Variants in CSMD1 observed in about 807,000 individuals in gnomAD.
CSMD1 encodes the protein CUB and sushi domain-containing protein 1.
Under a neutral mutation model 417.5 loss-of-function variants are expected in CSMD1, and 213 were observed. The observed-to-expected ratio is 0.51, with a 90% CI of 0.46 to 0.57. The LOEUF is 0.57. Ranked by LOEUF, CSMD1 falls within the 20% of genes least tolerant of loss-of-function variation. CSMD1 has a pLI of 0.00. For synonymous variants in CSMD1, 2,862 were observed against 1,736.8 expected, an observed-to-expected ratio of 1.65 and a Z score of -16.11; for missense variants, 6,923 against 4,529.7, an observed-to-expected ratio of 1.53 and a Z score of -15.17.
At chr8:3,027,887 T>A (rs1434809866) in intron 51 of CSMD1, among the ~76,000 whole-genome samples, 2 of 152,142 alleles carry the variant, frequency 1.3e-5, no homozygotes, top group Non-Finnish European at 2.9e-5. Context: ...TACTAATGAG[T>A]TTAGTTCAGG....
At chr8:4,727,163 G>A (rs293876) in intron 1 of CSMD1, among the ~76,000 whole-genome samples, 2 of 151,850 alleles carry the variant, frequency 1.3e-5, no homozygotes, top group East Asian at 1.9e-4. Context: ...TCAATCCACC[G>A]TAGGCCAGTA....
chr8:4,608,491 G>A (rs1413788031), intron 2 of CSMD1, among the ~76,000 whole-genome samples: 1 of 152,200 alleles, frequency 6.6e-6, no homozygotes, highest in Non-Finnish European at 1.5e-5. Context: ...AGAAACTGAT[G>A]TATTATTTGG....
Position 3,975,123 on chromosome 8 carries a change from C to T in CSMD1, c.818+22780G>A, listed in dbSNP as rs146263627. Among the ~76,000 whole-genome samples the T allele has an allele frequency of 2.7e-3, 414 of 152,288 alleles. 2 individuals carry two copies. Among genetic ancestry groups the T allele is most frequent in the African/African-American group, 8.9e-3 (369 of 41,566 alleles). ...TTTTAATAACTTGAAAACCACTATG[C>T]ATGTTTCCATGGAATGCAAACGAGA... On this transcript the variant is annotated intron_variant, in intron 5 of 69. Coordinates refer to ENST00000635120, the MANE Select transcript of CSMD1 (RefSeq NM_033225.6).
intron 2 of CSMD1, among the ~76,000 whole-genome samples, chr8:4,440,498 C>G (rs1487743113): frequency 6.6e-6 from 1 of 152,128 alleles, no homozygotes; most frequent in Non-Finnish European, 1.5e-5. Context: ...TCTCATTTCC[C>G]TCTATAATTT....
At chr8:4,064,607 C>T (rs1453806547) in intron 3 of CSMD1, among the ~76,000 whole-genome samples, 2 of 152,178 alleles carry the variant, frequency 1.3e-5, no homozygotes, top group Non-Finnish European at 2.9e-5. Flanking sequence ...CCGAACGTGG[C>T]AAGGCTCCCA....
At chr8:4,643,745 C>G (rs565688656) in intron 1 of CSMD1, among the ~76,000 whole-genome samples, 2 of 152,150 alleles carry the variant, frequency 1.3e-5, no homozygotes, top group Non-Finnish European at 2.9e-5. Flanking sequence ...GCATTATCTT[C>G]TACAGTTTCA....
chr8:4,266,229 C>T lies in CSMD1; in HGVS notation c.415+153724G>A, dbSNP rs1563359767. On this transcript the variant is annotated intron_variant, in intron 3 of 69. Transcript: ENST00000635120. The stretch of plus-strand genomic sequence containing the variant: ...TTATTTTTTCTAAGTGGAATGGTAA[C>T]ACATTTCCATACAACTCATTTAAAA... 1.9e-5 allele frequency among the ~76,000 whole-genome samples: 2 copies of T among 104,866 alleles called. 1 individual carries two copies. Among genetic ancestry groups the T allele is most frequent in the Non-Finnish European group, 5.1e-5 (2 of 39,092 alleles). The allele number at this position is 104,866 out of a possible 152,430, so 68.8% of individuals were successfully genotyped here.
At chr8:3,419,686 A>G (rs1813367108) in intron 12 of CSMD1, among the ~76,000 whole-genome samples, 1 of 152,218 alleles carries the variant, frequency 6.6e-6, no homozygotes, top group Non-Finnish European at 1.5e-5. Context: ...AATTCAGATT[A>G]CTTTCGTCAC....
intron 16 of CSMD1, among the ~76,000 whole-genome samples, chr8:3,397,830 C>T (rs552323584): frequency 6.6e-6 from 1 of 152,140 alleles, no homozygotes; most frequent in Non-Finnish European, 1.5e-5. Context: ...GGCAGCCTAA[C>T]ACACACCGCC....
chr8:4,352,158 A>G (rs1360066925), intron 3 of CSMD1, among the ~76,000 whole-genome samples: 1 of 152,168 alleles, frequency 6.6e-6, no homozygotes, highest in Non-Finnish European at 1.5e-5. Flanking sequence ...TATCATTTTT[A>G]TATTAAGTCC....
At chr8:4,855,417 T>C (rs530890695) in intron 1 of CSMD1, among the ~76,000 whole-genome samples, 1 of 152,084 alleles carries the variant, frequency 6.6e-6, no homozygotes, top group Non-Finnish European at 1.5e-5. Flanking sequence ...GGATGGAGAA[T>C]GACTTTGACG....
At chr8:4,943,845 G>A (rs1224273556) in intron 1 of CSMD1, among the ~76,000 whole-genome samples, 1 of 152,132 alleles carries the variant, frequency 6.6e-6, no homozygotes, top group Non-Finnish European at 1.5e-5. Context: ...ACAAATCGAA[G>A]CCAAGATAGA....
rs1272990323 is a variant in CSMD1, at chr8:2,957,706, G to C, written c.9804C>G (p.Thr3268=). Residue 3268 remains threonine (T), a synonymous_variant, in exon 63 of 70, where the codon ACC becomes ACG. Transcript: ENST00000635120. ...LANLTWSGIQ[T]ECIPHACRQP... Reference sequence around the variant, plus strand: ...AGAAATCACACTTACGTATACATTCGGTCTGTATCCCACTCCATGTTAAAT... The same window carrying C: ...AGAAATCACACTTACGTATACATTCCGTCTGTATCCCACTCCATGTTAAAT... The C allele has an allele frequency of 6.3e-6, 10 of 1,582,692 alleles. No homozygotes were observed. In the Admixed American group the frequency reaches 1.2e-4, roughly 20 times the overall value.
chr8:4,400,434 A>C (rs1245145142), intron 3 of CSMD1, among the ~76,000 whole-genome samples: 1 of 152,236 alleles, frequency 6.6e-6, no homozygotes, highest in Non-Finnish European at 1.5e-5. Context: ...GTGCACATGC[A>C]TGTATGCAGA....
chr8:4,813,905 T>G (rs1039974219), intron 1 of CSMD1, among the ~76,000 whole-genome samples: 1 of 152,208 alleles, frequency 6.6e-6, no homozygotes, highest in Non-Finnish European at 1.5e-5. Context: ...TAGGTCAATC[T>G]ACTCTAAATT....
intron 2 of CSMD1, among the ~76,000 whole-genome samples, chr8:4,497,935 G>T (rs1802058861): frequency 6.6e-6 from 1 of 152,156 alleles, no homozygotes; most frequent in Non-Finnish European, 1.5e-5. Flanking sequence ...ACACAGACCT[G>T]CAACTGCCCG....
intron 3 of CSMD1, among the ~76,000 whole-genome samples, chr8:4,150,698 C>A (rs1274573928): frequency 1.3e-5 from 2 of 152,042 alleles, no homozygotes; most frequent in Non-Finnish European, 2.9e-5. Flanking sequence ...GGTTTAGAAC[C>A]TTAGGGTGTG....
intron 3 of CSMD1, among the ~76,000 whole-genome samples, chr8:4,307,569 T>A (rs1189005787): frequency 6.6e-6 from 1 of 152,232 alleles, no homozygotes; most frequent in Admixed American, 6.5e-5. Context: ...CCTCTGCTTA[T>A]CTGTGTTTAC....
chr8:4,622,515 CCTG>C (rs1433843569), intron 2 of CSMD1, among the ~76,000 whole-genome samples: 1 of 152,146 alleles, frequency 6.6e-6, no homozygotes, highest in Non-Finnish European at 1.5e-5. Flanking sequence ...GTCTCTTCCT[CCTG>C]CTGTGTCCAT....
Sources: allele counts gnomAD v4.1 joint callset (sites outside exome capture counted in the v4.1 genomes callset), GRCh38; gene constraint gnomAD v4.1.1; transcripts MANE v1.5; gene names NCBI Gene and HGNC (gene_info 2026-07-23, HGNC 2026-07-21).